The following RBP3 variants were observed in gnomAD, a reference collection of about 807,000 sequenced individuals.
The protein encoded by RBP3 is retinol binding protein 3.
RBP3 carries 50 observed loss-of-function variants against 64.8 expected under a neutral mutation model. The observed-to-expected ratio is 0.77, with a 90% CI of 0.61 to 0.98. RBP3 has a LOEUF of 0.98. Among genes scored for constraint, RBP3 ranks in the 50% least tolerant of loss-of-function variants. RBP3 has a pLI of 0.00. For missense variants in RBP3, 1,712 were observed against 1,660.5 expected (o/e 1.03, Z -0.54); for synonymous variants, 828 against 730.2 (o/e 1.13, Z -2.16).
chr10:47,351,439 G>A lies in RBP3; in HGVS notation c.2955G>A (p.Leu985=). Residue 985 remains leucine (L), a synonymous_variant, in exon 1 of 4, where the codon CTG becomes CTA. Coordinates refer to ENST00000584701, the MANE Select transcript of RBP3 (RefSeq NM_002900.3). ...VTSEVALAEI[L]GADLQMLSGD... Reference sequence around the variant, plus strand: ...CAGAAGTGGCCCTAGCCGAGATCCTGGGGGCTGACCTGCAGATGCTCTCCG... The same window carrying A: ...CAGAAGTGGCCCTAGCCGAGATCCTAGGGGCTGACCTGCAGATGCTCTCCG... The A allele has an allele frequency of 6.2e-7, 1 of 1,613,788 alleles. No individual in the cohort carries two copies. The highest frequency in any genetic ancestry group is 8.5e-7 in the Non-Finnish European group (1 of 1,180,042).
In RBP3 at chr10:47,357,524, T is replaced by C. The variant is rs1837066771; in HGVS notation, c.*67T>C. The C allele has an allele frequency of 1.0e-5, 15 of 1,467,624 alleles. No individual in the cohort carries two copies. The highest frequency in any genetic ancestry group is 1.0e-4 in the Admixed American group (5 of 50,024). The allele number at this position is 1,467,624 out of a possible 1,614,324, so 90.9% of individuals were successfully genotyped here. A position where few individuals can be genotyped will look rare whatever the true frequency, so the allele number is the denominator to read the frequency against. On this transcript the variant is annotated 3_prime_UTR_variant, in exon 4 of 4. Transcript: ENST00000584701. ...CTGGGACACACACCAAGGGCACTCC[T>C]GCAGGTGGCCCGGCCTGAGGTTCCC...
chr10:47,352,478 A>G (rs557514864), intron 1 of RBP3, among the ~76,000 whole-genome samples: 4 of 152,354 alleles, frequency 2.6e-5, no homozygotes, highest in South Asian at 2.1e-4. Context: ...GAGTGCCAAA[A>G]GCATCTACTA....
chr10:47,353,518 C>A lies in RBP3; in HGVS notation c.3245+3C>A. 1 of 1,613,800 alleles carries A rather than the reference C, an allele frequency of 6.2e-7. No homozygotes were observed. The highest frequency in any genetic ancestry group is 8.5e-7 in the Non-Finnish European group (1 of 1,179,986). ...GATGCCATGATCATCGACATGAGGT[C>A]AGTGGCCAGGGGTCAGTGCTTCCTA... On this transcript the variant is annotated splice_donor_region_variant and intron_variant, in intron 2 of 3. Transcript: ENST00000584701.
chr10:47,351,467 G>A lies in RBP3; in HGVS notation c.2983G>A (p.Asp995Asn), dbSNP rs782157847. 2 of 1,613,846 alleles carry A rather than the reference G, an allele frequency of 1.2e-6. No individual in the cohort carries two copies. Among genetic ancestry groups the A allele is most frequent in the Non-Finnish European group, 8.5e-7 (1 of 1,180,046 alleles). The change falls in exon 1 of 4, where the codon GAC (aspartate) becomes AAC (asparagine). Residue 995 changes from aspartate to asparagine, a missense_variant. By Grantham distance (23) the Asp-to-Asn change is conservative (BLOSUM62 1). Transcript: ENST00000584701. ...GGCTGACCTGCAGATGCTCTCCGGA[G>A]ACCCACACCTGAAGGCAGCCCATAT... ...LGADLQMLSG[D>N]PHLKAAHIPE...
Position 47,348,993 on chromosome 10 carries a change from G to A in RBP3, c.509G>A (p.Arg170Gln), listed in dbSNP as rs782671340. ...MGTSALVLDL[R>Q]HCTGGQVSGI... Reference sequence around the variant, plus strand: ...ACCTCCGCCTTAGTGCTGGATCTCCGGCACTGCACAGGAGGCCAGGTCTCT... The same window carrying A: ...ACCTCCGCCTTAGTGCTGGATCTCCAGCACTGCACAGGAGGCCAGGTCTCT... The change falls in exon 1 of 4, where the codon CGG becomes CAG. Residue 170 changes from arginine to glutamine, a missense_variant. Arg to Gln is a conservative substitution (Grantham distance 43). Transcript: ENST00000584701. The A allele has an allele frequency of 4.8e-5, 78 of 1,613,842 alleles. 1 individual carries two copies. Among genetic ancestry groups the A allele is most frequent in the South Asian group, 2.0e-4 (18 of 91,092 alleles).
At chr10:47,355,336 G>A (rs782795771) in intron 2 of RBP3, 40 bp from the exon 3 acceptor site, 24 of 1,612,312 alleles carry the variant, frequency 1.5e-5, no homozygotes, top group Non-Finnish European at 1.9e-5. Context: ...GCCTCACTGT[G>A]AGCTCAGCCC....
In RBP3 at chr10:47,351,300, C is replaced by G. The variant is rs201711001; in HGVS notation, c.2816C>G (p.Thr939Arg). The change falls in exon 1 of 4, where the codon ACG becomes AGG. Residue 939 changes from threonine (T) to arginine (R), a missense_variant. Thr to Arg is a moderately conservative substitution (Grantham distance 71). Transcript: ENST00000584701. ...GTGGCTCTGCGTGCCAAGGTGCCCA[C>G]GGTGCTGCAGACGGCCGGGAAGCTG... is the stretch of plus-strand genomic sequence containing the variant. The part of the protein sequence containing the change: ...DIVALRAKVP[T>R]VLQTAGKLVA... 4 of 1,613,362 alleles carry G rather than the reference C, an allele frequency of 2.5e-6. No homozygotes were observed. The highest frequency in any genetic ancestry group is 8.5e-7 in the Non-Finnish European group (1 of 1,180,048).
rs782313133 is a variant in RBP3 at position 47,353,369 on chromosome 10, C to T, written c.3099C>T (p.Phe1033=). ...TTGAAGAGCTGATCAAGTTTTCCTT[C>T]CACACTAACGTGCTTGAGGACAACA... is the stretch of plus-strand genomic sequence containing the variant. ...EVFEELIKFS[F]HTNVLEDNIG... The change falls in exon 2 of 4, where the codon TTC becomes TTT. Residue 1033 remains phenylalanine (F), a synonymous_variant. Transcript: ENST00000584701. 6.2e-7 allele frequency: 1 copy of T among 1,614,094 alleles called. No homozygotes were observed. Among genetic ancestry groups the T allele is most frequent in the Admixed American group, 1.7e-5 (1 of 60,030 alleles).
At chr10:47,354,018 C>A (rs1458756051) in intron 2 of RBP3, among the ~76,000 whole-genome samples, 1 of 152,204 alleles carries the variant, frequency 6.6e-6, no homozygotes, top group Admixed American at 6.5e-5. Context: ...TCATATGAAT[C>A]GTACAGGCAG....
At chr10:47,351,972 C>G (rs373241744) in intron 1 of RBP3, among the ~76,000 whole-genome samples, 2 of 152,272 alleles carry the variant, frequency 1.3e-5, no homozygotes, top group South Asian at 2.1e-4. Flanking sequence ...TCAGAGGTGG[C>G]CAATGGACTT....
chr10:47,357,336 G>C lies in RBP3; in HGVS notation c.3623G>C (p.Gly1208Ala). The C allele has an allele frequency of 6.2e-7, 1 of 1,614,182 alleles. No homozygotes were observed. Among genetic ancestry groups the C allele is most frequent in the Non-Finnish European group, 8.5e-7 (1 of 1,180,046 alleles). Residue 1208 changes from glycine to alanine, a missense_variant, in exon 4 of 4, where the codon GGG (glycine) becomes GCG (alanine). Coordinates refer to ENST00000584701, the MANE Select transcript of RBP3 (RefSeq NM_002900.3). Reference protein sequence around the residue: ...VGASDGSSWEGVGVTPHVVVP... With the variant: ...VGASDGSSWEAVGVTPHVVVP... ...GCCTCGGATGGCAGCTCCTGGGAAG[G>C]GGTGGGGGTGACACCCCATGTGGTT...
chr10:47,350,532 C>A lies in RBP3; in HGVS notation c.2048C>A (p.Ala683Asp), dbSNP rs1248250176. Reference protein sequence around the residue: ...YRTAVDLESLASQLTADLQEV... With the variant: ...YRTAVDLESLDSQLTADLQEV... ...ACAGCTGTGGACTTGGAGTCTCTGG[C>A]CTCTCAGCTCACAGCAGACCTCCAG... is the stretch of plus-strand genomic sequence containing the variant. The change falls in exon 1 of 4, where the codon GCC becomes GAC. Residue 683 changes from alanine to aspartate, a missense_variant. Transcript: ENST00000584701. 1 of 1,612,932 alleles carries A rather than the reference C, an allele frequency of 6.2e-7. No individual in the cohort carries two copies. The highest frequency in any genetic ancestry group is 8.5e-7 in the Non-Finnish European group (1 of 1,180,020).
Position 47,349,813 on chromosome 10 carries a change from C to T in RBP3, c.1329C>T (p.Arg443=). The T allele has an allele frequency of 6.2e-7, 1 of 1,613,218 alleles. No homozygotes were observed. The highest frequency in any genetic ancestry group is 2.2e-5 in the East Asian group (1 of 44,870). The change falls in exon 1 of 4, where the codon CGC becomes CGT. Residue 443 remains arginine, a synonymous_variant. Coordinates refer to ENST00000584701, the MANE Select transcript of RBP3 (RefSeq NM_002900.3). The part of the protein sequence containing the change: ...SVLPGNVGYL[R]FDSFADASVL... ...TGCCAGGCAATGTGGGCTACCTGCG[C>T]TTCGATAGTTTTGCTGACGCCTCCG...
Position 47,357,864 on chromosome 10 carries a change from C to T in RBP3, c.*407C>T, listed in dbSNP as rs1837072445. 1 of 158,868 alleles carries T rather than the reference C, an allele frequency of 6.3e-6. No individual in the cohort carries two copies. The highest frequency in any genetic ancestry group is 1.4e-5 in the Non-Finnish European group (1 of 72,154). 9.8% of individuals were successfully genotyped at this position (158,868 alleles called of 1,614,324 possible). A position where few individuals can be genotyped will look rare whatever the true frequency, so the allele number is the denominator to read the frequency against. On this transcript the variant is annotated 3_prime_UTR_variant, in exon 4 of 4. Transcript: ENST00000584701. ...AAAGAAGATAAAATAAATTATATAC[C>T]CGAGCCATTAACCACAATTTAGTGA...
chr10:47,356,088 T>C (rs1837043117), intron 3 of RBP3, among the ~76,000 whole-genome samples: 1 of 152,190 alleles, frequency 6.6e-6, no homozygotes, highest in Admixed American at 6.5e-5. Flanking sequence ...GGCCTCCATC[T>C]ATCTTCCCTG....
At chr10:47,352,161 T>C (rs551309654) in intron 1 of RBP3, among the ~76,000 whole-genome samples, 103 of 152,286 alleles carry the variant, frequency 6.8e-4, no homozygotes, top group African/African-American at 2.2e-3. Flanking sequence ...GGGAGGCGGT[T>C]ACTGAAGCAG....
rs928033183 is a variant in RBP3, at chr10:47,357,857, T to C, written c.*400T>C. 34 of 159,622 alleles carry C rather than the reference T, an allele frequency of 2.1e-4. No homozygotes were observed. Among genetic ancestry groups the C allele is most frequent in the African/African-American group, 7.9e-4 (33 of 41,550 alleles). The allele number at this position is 159,622 out of a possible 1,614,324, so 9.9% of individuals were successfully genotyped here. The stretch of plus-strand genomic sequence containing the variant: ...ACAAAATAAAGAAGATAAAATAAAT[T>C]ATATACCCGAGCCATTAACCACAAT... On this transcript the variant is annotated 3_prime_UTR_variant, in exon 4 of 4. Transcript: ENST00000584701.
chr10:47,350,568 G>A lies in RBP3; in HGVS notation c.2084G>A (p.Gly695Glu), dbSNP rs782720269. 1.2e-6 allele frequency: 2 copies of A among 1,612,988 alleles called. No homozygotes were observed. The highest frequency in any genetic ancestry group is 1.7e-6 in the Non-Finnish European group (2 of 1,180,034). The change falls in exon 1 of 4, where the codon GGG (glycine) becomes GAG (glutamate). Residue 695 changes from glycine to glutamate, a missense_variant. Gly to Glu is a moderately conservative substitution (Grantham distance 98). Coordinates refer to ENST00000584701, the MANE Select transcript of RBP3 (RefSeq NM_002900.3). ...ACAGCAGACCTCCAGGAGGTGTCTG[G>A]GGACCACCGCTTGCTAGTGTTCCAC... ...QLTADLQEVSGDHRLLVFHSP... is the reference protein window; with the variant it reads ...QLTADLQEVSEDHRLLVFHSP...
chr10:47,349,393 C>T lies in RBP3; in HGVS notation c.909C>T (p.Pro303=). 1 of 1,612,022 alleles carries T rather than the reference C, an allele frequency of 6.2e-7. No individual in the cohort carries two copies. The highest frequency in any genetic ancestry group is 8.5e-7 in the Non-Finnish European group (1 of 1,179,964). The part of the protein sequence containing the change: ...SQTWEGSGVL[P]CVGTPAEQAL... ...CGTGGGAGGGCAGCGGGGTGCTGCC[C>T]TGTGTGGGGACTCCGGCCGAGCAGG... The change falls in exon 1 of 4, where the codon CCC becomes CCT. Residue 303 remains proline (P), a synonymous_variant. Transcript: ENST00000584701.
Sources: gnomAD v4.1 joint callset for allele counts (sites outside exome capture counted in the v4.1 genomes callset) on GRCh38, gnomAD v4.1.1 for gene constraint, MANE v1.5 for transcripts, NCBI Gene and HGNC (gene_info 2026-07-23, HGNC 2026-07-21) for gene names.